Variants in HECW2 observed in about 807,000 individuals in gnomAD.
The protein encoded by HECW2 is HECT, C2 and WW domain containing E3 ubiquitin protein ligase 2.
In HECW2, 61 loss-of-function variants were observed where a neutral mutation model predicts 175.2. That is an observed-to-expected ratio of 0.35 (90% confidence interval 0.28 to 0.43). The LOEUF (loss-of-function observed/expected upper bound fraction) is 0.43. HECW2 is among the 20% of genes least tolerant of loss of function. HECW2 has a pLI of 1.00. For synonymous variants in HECW2, 671 were observed against 731.0 expected (o/e 0.92, Z 1.32); for missense variants, 1,524 against 2,000.5 (o/e 0.76, Z 4.54).
chr2:196,585,871 C>A (rs773075091), intron 1 of HECW2, among the ~76,000 whole-genome samples: 26 of 152,174 alleles, frequency 1.7e-4, no homozygotes, highest in Non-Finnish European at 3.5e-4. Context: ...TGAAGTGAAG[C>A]CTAAGGCAAA....
chr2:196,365,483 T>C (rs1011891704), intron 2 of HECW2, among the ~76,000 whole-genome samples: 4 of 152,254 alleles, frequency 2.6e-5, no homozygotes, highest in African/African-American at 7.2e-5. Flanking sequence ...GCAATTTTTA[T>C]TGGAGACTTT....
At chr2:196,553,503 T>A (rs1689672092) in intron 1 of HECW2, among the ~76,000 whole-genome samples, 1 of 152,218 alleles carries the variant, frequency 6.6e-6, no homozygotes, top group African/African-American at 2.4e-5. Flanking sequence ...AATAAGCAAG[T>A]AAGCAGAGCA....
chr2:196,207,319 C>T (rs1044992649), intron 28 of HECW2, among the ~76,000 whole-genome samples: 3 of 152,096 alleles, frequency 2.0e-5, no homozygotes, highest in East Asian at 1.9e-4. Context: ...ATAGAGTGAT[C>T]GAATTCCATT....
chr2:196,443,131 T>C (rs1022674203), intron 1 of HECW2, among the ~76,000 whole-genome samples: 2 of 152,150 alleles, frequency 1.3e-5, no homozygotes, highest in Non-Finnish European at 2.9e-5. Context: ...GACAGGATCC[T>C]ATGGACCTAC....
intron 22 of HECW2, among the ~76,000 whole-genome samples, chr2:196,226,233 C>T (rs1421541712): frequency 1.3e-5 from 2 of 152,010 alleles, no homozygotes; most frequent in African/African-American, 2.4e-5. Flanking sequence ...CCAACACACA[C>T]ACACACTCTC....
intron 13 of HECW2, among the ~76,000 whole-genome samples, chr2:196,303,282 T>C (rs1691136223): frequency 6.6e-6 from 1 of 152,250 alleles, no homozygotes; most frequent in African/African-American, 2.4e-5. Flanking sequence ...TTGTGGTGGA[T>C]AACTTTTTTG....
At chr2:196,310,768 T>TTGTGTGTGTG (rs143340435) in intron 10 of HECW2, among the ~76,000 whole-genome samples, 61 of 148,320 alleles carry the variant, frequency 4.1e-4, no homozygotes, top group African/African-American at 7.6e-4. Context: ...AGCAACGATT[T>TTGTGTGTGTG]TGTGTGTGTG....
At chr2:196,386,648 T>C (rs1226679763) in intron 2 of HECW2, among the ~76,000 whole-genome samples, 1 of 152,164 alleles carries the variant, frequency 6.6e-6, no homozygotes, top group African/African-American at 2.4e-5. Flanking sequence ...TTAAGCAAAA[T>C]GAAGGCCTCA....
At chr2:196,221,713 C>G (rs192809214) in intron 24 of HECW2, among the ~76,000 whole-genome samples, 403 of 152,232 alleles carry the variant, frequency 2.6e-3, no homozygotes, top group African/African-American at 8.9e-3. Flanking sequence ...GTATGTGCCA[C>G]CACACCTGGC....
intron 2 of HECW2, among the ~76,000 whole-genome samples, chr2:196,420,685 G>A (rs112440625): frequency 6.6e-6 from 1 of 152,202 alleles, no homozygotes; most frequent in African/African-American, 2.4e-5. Flanking sequence ...GTATGTATGT[G>A]TTCTATAAGA....
At chr2:196,514,640 T>C (rs1302485739) in intron 1 of HECW2, among the ~76,000 whole-genome samples, 2 of 152,052 alleles carry the variant, frequency 1.3e-5, no homozygotes, top group Admixed American at 1.3e-4. Flanking sequence ...CCATAAAAAA[T>C]CTGAGACTCA....
chr2:196,364,024 T>G (rs1195984660), intron 2 of HECW2, among the ~76,000 whole-genome samples: 1 of 152,122 alleles, frequency 6.6e-6, no homozygotes, highest in African/African-American at 2.4e-5. Flanking sequence ...TATGGACCAA[T>G]AGACTCTGTT....
intron 2 of HECW2, among the ~76,000 whole-genome samples, chr2:196,388,673 C>T (rs546263789): frequency 6.6e-6 from 1 of 152,186 alleles, no homozygotes; most frequent in African/African-American, 2.4e-5. Context: ...ATATCTTTTT[C>T]CTTTTTCCTT....
At chr2:196,202,585 T>C (rs1047474295) in intron 28 of HECW2, among the ~76,000 whole-genome samples, 9 of 152,216 alleles carry the variant, frequency 5.9e-5, no homozygotes, top group African/African-American at 9.6e-5. Context: ...GTTTGACCAA[T>C]TAATAATAGA....
chr2:196,404,025 T>C (rs1477864405), intron 2 of HECW2, among the ~76,000 whole-genome samples: 2 of 152,228 alleles, frequency 1.3e-5, no homozygotes, highest in African/African-American at 2.4e-5. Context: ...TAATATATAA[T>C]GGAACCATGC....
intron 1 of HECW2, among the ~76,000 whole-genome samples, chr2:196,462,418 T>C (rs952218413): frequency 6.6e-5 from 10 of 152,216 alleles, no homozygotes; most frequent in Non-Finnish European, 1.5e-4. Flanking sequence ...AATTCTATTA[T>C]ATGATCAAGA....
chr2:196,234,454 A>T (rs1364697803), intron 21 of HECW2, among the ~76,000 whole-genome samples: 2 of 151,960 alleles, frequency 1.3e-5, no homozygotes, highest in African/African-American at 2.4e-5. Context: ...CAACCAGCTA[A>T]TTATTTATTT....
chr2:196,552,491 C>G (rs1385415731), intron 1 of HECW2, among the ~76,000 whole-genome samples: 1 of 152,204 alleles, frequency 6.6e-6, no homozygotes, highest in East Asian at 1.9e-4. Flanking sequence ...TCAGAGAAAA[C>G]AGAGATATAT....
At chr2:196,469,797 G>A (rs1331059878) in intron 1 of HECW2, among the ~76,000 whole-genome samples, 2 of 151,722 alleles carry the variant, frequency 1.3e-5, no homozygotes, top group Non-Finnish European at 2.9e-5. Flanking sequence ...AGTATATATA[G>A]TATGAAGAAA....
Sources: gnomAD v4.1 joint callset for allele counts (sites outside exome capture counted in the v4.1 genomes callset) on GRCh38, gnomAD v4.1.1 for gene constraint, MANE v1.5 for transcripts, NCBI Gene and HGNC (gene_info 2026-07-23, HGNC 2026-07-21) for gene names.